Variants in PCDH15 observed in about 807,000 individuals in gnomAD.
The protein encoded by PCDH15 is protocadherin related 15.
Under a neutral mutation model 178.5 loss-of-function variants are expected in PCDH15, and 129 were observed. That is an observed-to-expected ratio of 0.72 (90% CI 0.63 to 0.84). The LOEUF (loss-of-function observed/expected upper bound fraction) is 0.84, where lower values mean the gene tolerates loss of function less well. PCDH15 is among the 40% of genes least tolerant of loss of function. The pLI, the probability that PCDH15 is intolerant of heterozygous loss-of-function variation, is 0.00. For synonymous variants in PCDH15, 800 were observed against 732.0 expected (o/e 1.09, Z -1.50); for missense variants, 2,230 against 2,099.9 (o/e 1.06, Z -1.21).
chr10:54,067,920 GGT>G (rs2094167880), intron 17 of PCDH15, among the ~76,000 whole-genome samples: 1 of 151,986 alleles, frequency 6.6e-6, no homozygotes, highest in South Asian at 2.1e-4. Flanking sequence ...AAGCTGAAAA[GGT>G]TTTGCAGCAG....
At chr10:54,144,024 G>A (rs2043654575) in intron 14 of PCDH15, among the ~76,000 whole-genome samples, 1 of 152,026 alleles carries the variant, frequency 6.6e-6, no homozygotes, top group African/African-American at 2.4e-5. Context: ...CTAAGTATAT[G>A]GGCCTGAAGC....
chr10:54,948,812 T>C (rs1466745820), intron 2 of PCDH15, among the ~76,000 whole-genome samples: 2 of 151,894 alleles, frequency 1.3e-5, no homozygotes, highest in Non-Finnish European at 2.9e-5. Flanking sequence ...AGTTCAATGA[T>C]TAAAATGTCA....
At chr10:54,026,917 A>T (rs1176401751) in intron 18 of PCDH15, among the ~76,000 whole-genome samples, 1 of 151,432 alleles carries the variant, frequency 6.6e-6, no homozygotes, top group African/African-American at 2.4e-5. Context: ...CCTATTCAAC[A>T]TAGTGTTGGA....
At chr10:55,217,700 A>G (rs1386976935) in intron 1 of PCDH15, among the ~76,000 whole-genome samples, 1 of 151,978 alleles carries the variant, frequency 6.6e-6, no homozygotes, top group Non-Finnish European at 1.5e-5. Context: ...AAAGATGATT[A>G]CAAGATACTT....
intron 1 of PCDH15, among the ~76,000 whole-genome samples, chr10:54,764,819 G>A (rs1948313739): frequency 1.3e-5 from 2 of 152,050 alleles, no homozygotes; most frequent in Admixed American, 6.6e-5. Context: ...AATGCGTAAG[G>A]CAAAATAAAT....
At chr10:54,192,117 AAAG>A (rs1417194908) in intron 11 of PCDH15, among the ~76,000 whole-genome samples, 3 of 129,276 alleles carry the variant, frequency 2.3e-5, no homozygotes, top group South Asian at 2.6e-4. Flanking sequence ...GAAAAAAAAA[AAAG>A]AAAGAAAGAA....
At chr10:55,158,920 T>C (rs1249548972) in intron 2 of PCDH15, among the ~76,000 whole-genome samples, 2 of 145,476 alleles carry the variant, frequency 1.4e-5, no homozygotes, top group Non-Finnish European at 3.0e-5. Flanking sequence ...GCTCAAGATA[T>C]AGACAGAGAA....
At chr10:54,576,266 A>C (rs2090472677) in intron 2 of PCDH15, among the ~76,000 whole-genome samples, 2 of 152,178 alleles carry the variant, frequency 1.3e-5, no homozygotes, top group South Asian at 4.1e-4. Context: ...ATTAAGTATA[A>C]GTTTTCTATA....
At chr10:54,395,450 C>CA (rs1951089053) in intron 3 of PCDH15, among the ~76,000 whole-genome samples, 57 of 121,862 alleles carry the variant, frequency 4.7e-4, no homozygotes, top group Admixed American at 3.1e-3. Flanking sequence ...ACACACACAC[C>CA]CACATTAAGA....
rs56290679 is a variant in PCDH15, at chr10:53,855,904, G to GTATATATA, written c.3806+1263_3806+1270dup. Reference sequence around the variant, plus strand: ...TAAAAGTTAAAAAAAAAGGTGATATGTATATATATATATATATGTATGTGT... The same window carrying GTATATATA: ...TAAAAGTTAAAAAAAAAGGTGATATGTATATATATATATATATATATATATGTATGTGT... On this transcript the variant is annotated intron_variant, in intron 28 of 37. Transcript: ENST00000644397. 5.3e-3 allele frequency among the ~76,000 whole-genome samples: 582 copies of GTATATATA among 109,648 alleles called. 78 individuals are homozygous for GTATATATA. The East Asian group carries it at 0.075, about 14-fold the overall frequency. The allele number at this position is 109,648 out of a possible 152,430, so 71.9% of individuals were successfully genotyped here.
chr10:54,899,082 A>C (rs1346596198), intron 2 of PCDH15, among the ~76,000 whole-genome samples: 1 of 152,132 alleles, frequency 6.6e-6, no homozygotes, highest in Admixed American at 6.6e-5. Flanking sequence ...TTGCCATTTA[A>C]AAAAAGTATT....
At chr10:55,320,386 T>G (rs1336025068), upstream of PCDH15, among the ~76,000 whole-genome samples, 4 of 128,416 alleles carry the variant, frequency 3.1e-5, no homozygotes, top group Admixed American at 8.4e-5. Context: ...CCACCACCAC[T>G]GCAAACACCT....
In PCDH15 at chr10:55,236,087, C is replaced by A. The variant is rs577971198; in HGVS notation, c.-155-69436G>T. ...ACCTCCTCTTTCTTTTATTCTCTGT[C>A]CTGCTGTTTTTTTTCTTAATTTGAA... is the stretch of plus-strand genomic sequence containing the variant. On this transcript the variant is annotated intron_variant, in intron 1 of 5. Transcript: ENST00000458638. Among the ~76,000 whole-genome samples the A allele has an allele frequency of 1.6e-3, 237 of 151,728 alleles. 3 individuals carry two copies. Among genetic ancestry groups the A allele is most frequent in the African/African-American group, 5.6e-3 (229 of 41,202 alleles).
At chr10:55,070,008 T>A (rs1438989152) in intron 2 of PCDH15, among the ~76,000 whole-genome samples, 2 of 152,052 alleles carry the variant, frequency 1.3e-5, no homozygotes, top group Non-Finnish European at 2.9e-5. Context: ...TGGTTTTGAT[T>A]TGCATTTCTC....
chr10:53,840,710 G>A (rs1379507374), intron 28 of PCDH15, among the ~76,000 whole-genome samples: 3 of 152,094 alleles, frequency 2.0e-5, no homozygotes, highest in African/African-American at 7.2e-5. Context: ...GGTAGAAAAG[G>A]TCACCAACCA....
At chr10:54,844,626 T>G (rs1206009030) in intron 3 of PCDH15, among the ~76,000 whole-genome samples, 1 of 151,610 alleles carries the variant, frequency 6.6e-6, no homozygotes, top group Admixed American at 6.6e-5. Flanking sequence ...TTCTTTTGCT[T>G]TTTTTTTGAA....
chr10:54,042,151 T>C (rs904020658), intron 18 of PCDH15, among the ~76,000 whole-genome samples: 7 of 152,046 alleles, frequency 4.6e-5, no homozygotes, highest in Non-Finnish European at 1.5e-5. Flanking sequence ...ATGGATGAAA[T>C]ATTGCCAGAC....
chr10:54,406,830 T>C (rs1280135855), intron 3 of PCDH15, among the ~76,000 whole-genome samples: 1 of 152,160 alleles, frequency 6.6e-6, no homozygotes, highest in East Asian at 1.9e-4. Context: ...GGGGATTATC[T>C]TCATAACCTG....
chr10:55,398,973 T>C (rs1031969218), intron 2 of PCDH15, among the ~76,000 whole-genome samples: 1 of 152,144 alleles, frequency 6.6e-6, no homozygotes. Context: ...AAATGTTGTG[T>C]AGAATAACTA....
Sources: gnomAD v4.1 joint callset for allele counts (sites outside exome capture counted in the v4.1 genomes callset) on GRCh38, gnomAD v4.1.1 for gene constraint, MANE v1.5 for transcripts, NCBI Gene and HGNC (gene_info 2026-07-23, HGNC 2026-07-21) for gene names.